CDH18: variants seen among roughly 807,000 people sequenced by gnomAD.
The protein encoded by CDH18 is cadherin 18, also known as cadherin-18.
CDH18 carries 31 observed loss-of-function variants against 67.9 expected under a neutral mutation model. The observed-to-expected ratio is 0.46, with a 90% CI of 0.34 to 0.62. The LOEUF (loss-of-function observed/expected upper bound fraction) is 0.62, where lower values mean the gene tolerates loss of function less well. CDH18 is among the 20% of genes least tolerant of loss of function. The pLI, the probability that CDH18 is intolerant of heterozygous loss-of-function variation, is 0.01. For synonymous variants in CDH18, 362 were observed against 347.2 expected, an observed-to-expected ratio of 1.04 and a Z score of -0.48; for missense variants, 890 against 975.5, an observed-to-expected ratio of 0.91 and a Z score of 1.17.
chr5:19,650,711 T>A (rs892952323), intron 5 of CDH18, among the ~76,000 whole-genome samples: 1 of 151,996 alleles, frequency 6.6e-6, no homozygotes, highest in Admixed American at 6.6e-5. Flanking sequence ...GTCACAAGGA[T>A]CTTTCATTCA....
intron 1 of CDH18, among the ~76,000 whole-genome samples, chr5:20,302,688 C>T (rs1482880397): frequency 6.6e-6 from 1 of 152,192 alleles, no homozygotes; most frequent in Non-Finnish European, 1.5e-5. Flanking sequence ...GCCACTGTAC[C>T]GTCCGCAATT....
intron 1 of CDH18, among the ~76,000 whole-genome samples, chr5:20,527,942 C>A (rs565473265): frequency 6.6e-6 from 1 of 151,932 alleles, no homozygotes; most frequent in African/African-American, 2.4e-5. Context: ...GAGCTAAATG[C>A]CCCAATTAAA....
In CDH18 at chr5:19,591,088, T is replaced by C; in HGVS notation, c.968A>G (p.Glu323Gly). Residue 323 changes from glutamate (E) to glycine (G), a missense_variant, in exon 7 of 13, where the codon GAG (glutamate) becomes GGG (glycine). Glu to Gly is a moderately conservative substitution (Grantham distance 98). Around this residue, in one of 2 missense-constraint regions of CDH18, gnomAD observed 656 missense variants for 668.1 expected, o/e 0.98. Transcript: ENST00000382275. ...MGIFSISTDK[E>G]TREGILSLKK... is the part of the protein sequence containing the mutation. Reference sequence around the variant, plus strand: ...TAAAGAAAGGATTCCTTCTCTGGTCTCTTTGTCAGTGGAGATTGAGAATAT... The same window carrying C: ...TAAAGAAAGGATTCCTTCTCTGGTCCCTTTGTCAGTGGAGATTGAGAATAT... The C allele has an allele frequency of 6.2e-7, 1 of 1,606,218 alleles. No individual in the cohort carries two copies. Among genetic ancestry groups the C allele is most frequent in the Non-Finnish European group, 8.5e-7 (1 of 1,176,174 alleles).
chr5:19,561,727 G>C (rs1048798555), intron 8 of CDH18, among the ~76,000 whole-genome samples: 7 of 152,126 alleles, frequency 4.6e-5, no homozygotes, highest in Middle Eastern at 6.8e-3. Flanking sequence ...GTTTGGCCTA[G>C]GGGAAAAAAT....
intron 1 of CDH18, among the ~76,000 whole-genome samples, chr5:20,282,733 A>G (rs1746380985): frequency 6.6e-6 from 1 of 152,142 alleles, no homozygotes. Flanking sequence ...GGCCTCATCA[A>G]ATGAGTTAGG....
chr5:19,653,233 C>A (rs1210980531), intron 5 of CDH18, among the ~76,000 whole-genome samples: 1 of 151,948 alleles, frequency 6.6e-6, no homozygotes, highest in Admixed American at 6.6e-5. Context: ...AGTTCTGAAC[C>A]AGGGTAGTCA....
rs113737105 is a variant in CDH18, at chr5:19,929,552, C to A, written c.-257+51508G>T. 4.6e-3 allele frequency among the ~76,000 whole-genome samples: 696 copies of A among 152,192 alleles called. 10 individuals carry two copies. The highest frequency in any genetic ancestry group is 0.014 in the African/African-American group (592 of 41,542). On this transcript the variant is annotated intron_variant, in intron 2 of 12. Coordinates refer to ENST00000382275, the MANE Select transcript of CDH18 (RefSeq NM_004934.5). ...GACACCTTCAGAGTATTTTCATACC[C>A]TTGCAATTGGCTTTGTCAAACAATT...
At chr5:19,980,885 A>G (rs1378656466) in intron 2 of CDH18, among the ~76,000 whole-genome samples, 175 bp downstream of exon 2, 1 of 152,038 alleles carries the variant, frequency 6.6e-6, no homozygotes, top group African/African-American at 2.4e-5. Context: ...CTCCTGCCCA[A>G]CTTGATTCTC....
chr5:20,297,801 G>A (rs965228472), intron 1 of CDH18, among the ~76,000 whole-genome samples: 1 of 152,168 alleles, frequency 6.6e-6, no homozygotes, highest in Non-Finnish European at 1.5e-5. Context: ...TGATGCTCTT[G>A]CTGAGGTTGT....
Position 19,814,565 on chromosome 5 carries a change from C to T in CDH18, c.228+24194G>A, listed in dbSNP as rs550141037. Among the ~76,000 whole-genome samples, 55 of 151,990 alleles carry T rather than the reference C, an allele frequency of 3.6e-4. 1 individual carries two copies. In the Middle Eastern group the frequency reaches 0.01, roughly 28 times the overall value. ...CACCTATAGTCATTTAAAACCAAAT[C>T]CCAGGAGGGCGTTAAAACTTTCACG... is the stretch of plus-strand genomic sequence containing the variant. On this transcript the variant is annotated intron_variant, in intron 3 of 12. Coordinates refer to ENST00000382275, the MANE Select transcript of CDH18 (RefSeq NM_004934.5).
At chr5:19,536,850 CCTT>C (rs976447710) in intron 9 of CDH18, among the ~76,000 whole-genome samples, 3 of 152,096 alleles carry the variant, frequency 2.0e-5, no homozygotes, top group African/African-American at 7.2e-5. Flanking sequence ...ATGCTGAAGA[CCTT>C]CTCCAGGAAA....
At chr5:19,864,171 A>C (rs1785204354) in intron 2 of CDH18, among the ~76,000 whole-genome samples, 1 of 149,882 alleles carries the variant, frequency 6.7e-6, no homozygotes, top group Admixed American at 6.7e-5. Context: ...AATGTGGCAC[A>C]TATACACCAT....
chr5:20,163,189 A>G (rs1000351037), intron 2 of CDH18, among the ~76,000 whole-genome samples: 1 of 152,204 alleles, frequency 6.6e-6, no homozygotes. Flanking sequence ...CTGACTTCCT[A>G]TCACTTCATC....
At chr5:20,521,325 G>A (rs1234393976) in intron 1 of CDH18, among the ~76,000 whole-genome samples, 3 of 152,054 alleles carry the variant, frequency 2.0e-5, no homozygotes, top group African/African-American at 7.2e-5. Flanking sequence ...GATGTAGAGG[G>A]TGATAAAACA....
Position 20,201,581 on chromosome 5 carries a change from C to G in CDH18, c.-518+53863G>C, listed in dbSNP as rs72743053. On this transcript the variant is annotated intron_variant, in intron 2 of 14. Coordinates refer to the CDH18 transcript ENST00000507958. ...ATAAGACCATACTTATCATTTGAAT[C>G]AAAACATATAAATAGCTACATATAA... Among the ~76,000 whole-genome samples the G allele has an allele frequency of 7.9e-3, 1,195 of 151,514 alleles. 15 individuals are homozygous for G. Among genetic ancestry groups the G allele is most frequent in the Middle Eastern group, 0.027 (8 of 292 alleles).
chr5:19,509,158 T>C (rs1411624431), intron 10 of CDH18, among the ~76,000 whole-genome samples: 2 of 152,052 alleles, frequency 1.3e-5, no homozygotes, highest in African/African-American at 2.4e-5. Context: ...TGTGAATCAC[T>C]GCGCCTGGCC....
chr5:19,765,916 G>A (rs139823104), intron 3 of CDH18, among the ~76,000 whole-genome samples: 2 of 149,920 alleles, frequency 1.3e-5, no homozygotes, highest in African/African-American at 2.5e-5. Flanking sequence ...GTCTCGCTCT[G>A]CCACCCAGGC....
intron 2 of CDH18, among the ~76,000 whole-genome samples, chr5:19,889,240 G>C (rs1008891543): frequency 2.6e-5 from 4 of 151,748 alleles, no homozygotes; most frequent in Admixed American, 2.6e-4. Flanking sequence ...TCATGGATAT[G>C]GATGGCCATT....
chr5:20,323,759 C>G (rs937125339), intron 1 of CDH18, among the ~76,000 whole-genome samples: 1 of 152,220 alleles, frequency 6.6e-6, no homozygotes, highest in Non-Finnish European at 1.5e-5. Flanking sequence ...CTATAGTAAG[C>G]AACTGCTGTT....
Sources: gnomAD v4.1 joint callset for allele counts (sites outside exome capture counted in the v4.1 genomes callset) on GRCh38, gnomAD v4.1.1 for gene constraint, gnomAD v4.1.1 regional missense constraint, MANE v1.5 for transcripts, NCBI Gene and HGNC (gene_info 2026-07-23, HGNC 2026-07-21) for gene names.